Variants in FAXC observed in about 807,000 individuals in gnomAD.
FAXC encodes failed axon connections homolog, metaxin like GST domain containing.
FAXC carries 10 observed loss-of-function variants against 41.9 expected under a neutral mutation model. The ratio of observed to expected loss-of-function variants is 0.24; its 90% CI spans 0.15 to 0.41. FAXC has a LOEUF of 0.41. Ranked by LOEUF, FAXC falls within the 10% of genes least tolerant of loss-of-function variation. FAXC has a pLI of 1.00. For missense variants in FAXC, 399 were observed against 510.9 expected (o/e 0.78, Z 2.11); for synonymous variants, 183 against 183.8 (o/e 1.00, Z 0.03).
chr6:99,343,247 C>A (rs1773485352), intron 1 of FAXC, among the ~76,000 whole-genome samples: 1 of 150,038 alleles, frequency 6.7e-6, no homozygotes, highest in Admixed American at 6.8e-5. Flanking sequence ...GAGAACCTTA[C>A]AAACTCCCAT....
At chr6:99,326,901 A>G (rs1302674409) in intron 3 of FAXC, among the ~76,000 whole-genome samples, 1 of 152,160 alleles carries the variant, frequency 6.6e-6, no homozygotes, top group Non-Finnish European at 1.5e-5. Context: ...AGAGAGTTTT[A>G]GCAGTAGCAG....
intron 4 of FAXC, among the ~76,000 whole-genome samples, chr6:99,296,384 C>T (rs1404502461): frequency 1.3e-5 from 2 of 151,988 alleles, no homozygotes; most frequent in African/African-American, 2.4e-5. Flanking sequence ...GCAGGTGAAC[C>T]ATCCGGTGAC....
At position 99,323,489 on chromosome 6, in the gene FAXC, A is replaced by G. The variant is rs776916334; in HGVS notation, c.778T>C (p.Tyr260His). The part of the protein sequence containing the change: ...GIGRFSEEEI[Y>H]MLMEKDMRSL... ...CGCATGTCCTTCTCCATCAGCATGT[A>G]AATCTCTTCCTCGGAGAAGCGGCCA... The change falls in exon 4 of 6, where the codon TAC (tyrosine) becomes CAC (histidine). Residue 260 changes from tyrosine to histidine, a missense_variant. By Grantham distance (83) the Tyr-to-His change is moderately conservative (BLOSUM62 2). Coordinates refer to ENST00000389677, the MANE Select transcript of FAXC (RefSeq NM_032511.4). 46 of 1,614,138 alleles carry G rather than the reference A, an allele frequency of 2.8e-5. No homozygotes were observed. The Admixed American group carries it at 7.5e-4, about 26-fold the overall frequency.
intron 3 of FAXC, among the ~76,000 whole-genome samples, chr6:99,325,264 C>T (rs1772756418): frequency 6.6e-6 from 1 of 151,978 alleles, no homozygotes; most frequent in African/African-American, 2.4e-5. Context: ...GTTCTCTGTT[C>T]TAAAAACAAA....
At chr6:99,320,928 A>G (rs1186439657) in intron 4 of FAXC, among the ~76,000 whole-genome samples, 1 of 152,146 alleles carries the variant, frequency 6.6e-6, no homozygotes, top group Admixed American at 6.5e-5. Flanking sequence ...GCAGATCCTC[A>G]TTTGGAGCAG....
chr6:99,286,966 G>C (rs891426678), intron 5 of FAXC, among the ~76,000 whole-genome samples: 2 of 152,154 alleles, frequency 1.3e-5, no homozygotes, highest in Non-Finnish European at 2.9e-5. Flanking sequence ...TGTAGACCAA[G>C]AGCTTATGCC....
chr6:99,313,327 A>AT (rs1246307845), intron 4 of FAXC, among the ~76,000 whole-genome samples: 1 of 152,186 alleles, frequency 6.6e-6, no homozygotes, highest in Non-Finnish European at 1.5e-5. Flanking sequence ...GAGGTTGAAC[A>AT]TTTTTAATAT....
chr6:99,343,082 T>C, intron 1 of FAXC, 49 bp from the exon 2 acceptor site: 1 of 1,531,396 alleles, frequency 6.5e-7, no homozygotes, highest in Non-Finnish European at 8.8e-7. Context: ...GTTATCCACA[T>C]TCGGTTCCCT....
intron 4 of FAXC, among the ~76,000 whole-genome samples, chr6:99,308,919 T>C (rs1266567945): frequency 6.6e-6 from 1 of 152,338 alleles, no homozygotes; most frequent in East Asian, 1.9e-4. Context: ...ATCATTTAAA[T>C]AAATAGAAAT....
At chr6:99,333,686 C>G in intron 2 of FAXC, 139 bp from the exon 3 acceptor site, 1 of 687,478 alleles carries the variant, frequency 1.5e-6, no homozygotes, top group Non-Finnish European at 2.3e-6. Context: ...GGCATAAACT[C>G]CTTAAGACAA....
At chr6:99,327,458 T>C (rs910087845) in intron 3 of FAXC, among the ~76,000 whole-genome samples, 2 of 152,142 alleles carry the variant, frequency 1.3e-5, no homozygotes, top group South Asian at 2.1e-4. Flanking sequence ...AAATAAACCA[T>C]CTTTCTATAT....
chr6:99,339,699 A>AAAAC (rs1240647833), intron 2 of FAXC, among the ~76,000 whole-genome samples: 4 of 152,180 alleles, frequency 2.6e-5, no homozygotes, highest in African/African-American at 9.6e-5. Flanking sequence ...AATGGATACA[A>AAAAC]AAACAAACAA....
At chr6:99,315,924 CT>C (rs1294023867) in intron 4 of FAXC, among the ~76,000 whole-genome samples, 3 of 152,214 alleles carry the variant, frequency 2.0e-5, no homozygotes, top group Non-Finnish European at 4.4e-5. Flanking sequence ...CAAACCAACT[CT>C]ATTTACCAAT....
rs1174562628 is a variant in FAXC, at chr6:99,272,144, A to ATGTGTGTGTG, written c.*9019_*9020insCACACACACA. 2.2e-4 allele frequency: 9 copies of ATGTGTGTGTG among 41,320 alleles called. No individual in the cohort carries two copies. Among genetic ancestry groups the ATGTGTGTGTG allele is most frequent in the African/African-American group, 6.5e-4 (5 of 7,744 alleles). 2.6% of individuals were successfully genotyped at this position (41,320 alleles called of 1,614,324 possible). A position where few individuals can be genotyped will look rare whatever the true frequency, so the allele number is the denominator to read the frequency against. On this transcript the variant is annotated 3_prime_UTR_variant, in exon 6 of 6. Coordinates refer to ENST00000389677, the MANE Select transcript of FAXC (RefSeq NM_032511.4). ...AGAGGTATGAAAACTAATTGAGACT[A>ATGTGTGTGTG]TATGTGTGTGTGTGTGTGTGTGTGT... is the stretch of plus-strand genomic sequence containing the variant.
chr6:99,332,956 A>G (rs551759178), intron 3 of FAXC, among the ~76,000 whole-genome samples: 1 of 152,356 alleles, frequency 6.6e-6, no homozygotes, highest in African/African-American at 2.4e-5. Context: ...AAATGGTTGA[A>G]AAAAATCAAA....
chr6:99,310,903 T>C (rs1772130026), intron 4 of FAXC, among the ~76,000 whole-genome samples: 3 of 152,140 alleles, frequency 2.0e-5, no homozygotes, highest in Admixed American at 6.5e-5. Context: ...AATGTGGAGA[T>C]GAGGTGGGCA....
At chr6:99,336,882 C>A (rs947442824) in intron 2 of FAXC, among the ~76,000 whole-genome samples, 4 of 152,102 alleles carry the variant, frequency 2.6e-5, no homozygotes, top group East Asian at 1.9e-4. Flanking sequence ...GGCCAGAATA[C>A]CCATAGGTTT....
chr6:99,327,518 TC>T (rs1264321741), intron 3 of FAXC, among the ~76,000 whole-genome samples: 3 of 152,066 alleles, frequency 2.0e-5, no homozygotes, highest in South Asian at 2.1e-4. Flanking sequence ...TCTTGGAACT[TC>T]CCCTTAGCTT....
intron 3 of FAXC, among the ~76,000 whole-genome samples, chr6:99,331,899 G>A (rs1387031008): frequency 1.3e-5 from 2 of 152,348 alleles, no homozygotes; most frequent in South Asian, 2.1e-4. Context: ...ATGCAGTCAT[G>A]CATTCTGGTT....
Sources: allele counts gnomAD v4.1 joint callset (sites outside exome capture counted in the v4.1 genomes callset), GRCh38; gene constraint gnomAD v4.1.1; transcripts MANE v1.5; gene names NCBI Gene and HGNC (gene_info 2026-07-23, HGNC 2026-07-21).